The following ZNF22 variants were observed in gnomAD, a reference collection of about 807,000 sequenced individuals.
ZNF22 encodes krox-26 protein.
A neutral mutation model predicts 17.0 loss-of-function variants in ZNF22; 15 were observed. The ratio of observed to expected loss-of-function variants is 0.88; its 90% CI spans 0.59 to 1.36. ZNF22 has a LOEUF of 1.36. Among genes scored for constraint, ZNF22 ranks in the 40% most tolerant of loss-of-function variants. ZNF22 has a pLI of 0.00. For synonymous variants in ZNF22, 84 were observed against 90.7 expected (o/e 0.93, Z 0.42); for missense variants, 272 against 276.1 (o/e 0.98, Z 0.11).
chr10:45,003,880 A>C lies in ZNF22; in HGVS notation c.512A>C (p.Glu171Ala), dbSNP rs1233146369. 1 of 1,614,176 alleles carries C rather than the reference A, an allele frequency of 6.2e-7. No individual in the cohort carries two copies. Among genetic ancestry groups the C allele is most frequent in the Admixed American group, 1.7e-5 (1 of 60,022 alleles). Residue 171 changes from glutamate to alanine, a missense_variant, in exon 2 of 2, where the codon GAA becomes GCA. Coordinates refer to ENST00000298299, the MANE Select transcript of ZNF22 (RefSeq NM_006963.5). ...GGGGAGAAACCCTACCAGTGCAGTG[A>C]ATGTGGCAAATGTTTCAGTCAGAGC... The part of the protein sequence containing the change: ...HTGEKPYQCS[E>A]CGKCFSQSSH...
chr10:45,003,134 T>G, intron 1 of ZNF22, 146 bp from the exon 2 acceptor site: 2 of 376,348 alleles, frequency 5.3e-6, no homozygotes, highest in Non-Finnish European at 4.7e-6. Context: ...TTTCCCCCCA[T>G]ATTATCTTTG....
At position 45,003,266 on chromosome 10, in the gene ZNF22, C is replaced by T; in HGVS notation, c.-89-14C>T. On this transcript the variant is annotated splice_polypyrimidine_tract_variant and intron_variant, in intron 1 of 1. Transcript: ENST00000298299. ...TTCTGATCATCTCTAAATTTTTTTT[C>T]CTTCTACACACAGAAAATTCTGAGC... The T allele has an allele frequency of 8.0e-6, 9 of 1,130,344 alleles. No individual in the cohort carries two copies. The highest frequency in any genetic ancestry group is 3.2e-5 in the African/African-American group (2 of 63,410). 70.0% of individuals were successfully genotyped at this position (1,130,344 alleles called of 1,614,324 possible).
Position 45,000,974 on chromosome 10 carries a change from G to T in ZNF22, c.-94G>T. 3.7e-6 allele frequency: 3 copies of T among 807,012 alleles called. No individual in the cohort carries two copies. Among genetic ancestry groups the T allele is most frequent in the South Asian group, 2.5e-5 (1 of 40,242 alleles). The allele number at this position is 807,012 out of a possible 1,614,324, so 50.0% of individuals were successfully genotyped here. A position where few individuals can be genotyped will look rare whatever the true frequency, so the allele number is the denominator to read the frequency against. The stretch of plus-strand genomic sequence containing the variant: ...GCGAGCCAGAGTGGTGGCTGGTCCC[G>T]CGCGGTGAGTGGGATTGGGGCACTT... On this transcript the variant is annotated 5_prime_UTR_variant, in exon 1 of 2. Coordinates refer to ENST00000298299, the MANE Select transcript of ZNF22 (RefSeq NM_006963.5).
At position 45,003,469 on chromosome 10, in the gene ZNF22, G is replaced by A. The variant is rs940573770; in HGVS notation, c.101G>A (p.Gly34Asp). The A allele has an allele frequency of 5.6e-6, 9 of 1,614,248 alleles. No homozygotes were observed. Among genetic ancestry groups the A allele is most frequent in the Non-Finnish European group, 6.8e-6 (8 of 1,180,044 alleles). Residue 34 changes from glycine (G) to aspartate (D), a missense_variant, in exon 2 of 2, where the codon GGC (glycine) becomes GAC (aspartate). Physicochemically the swap from Gly to Asp is moderately conservative, Grantham distance 94 (BLOSUM62 -1). Coordinates refer to ENST00000298299, the MANE Select transcript of ZNF22 (RefSeq NM_006963.5). The stretch of plus-strand genomic sequence containing the variant: ...ACAGGCCGGCAGCGGCAGAAGTGGG[G>A]CATGACTATTCGATTTGACTCAAGC... ...RKTGRQRQKW[G>D]MTIRFDSSFS...
rs1842364278 is a variant in ZNF22, at chr10:45,005,187, T to TTA, written c.*1144_*1145insTA. 6.0e-6 allele frequency: 1 copy of TTA among 166,938 alleles called. No individual in the cohort carries two copies. Among genetic ancestry groups the TTA allele is most frequent in the Non-Finnish European group, 1.5e-5 (1 of 68,130 alleles). 10.3% of individuals were successfully genotyped at this position (166,938 alleles called of 1,614,324 possible). A position where few individuals can be genotyped will look rare whatever the true frequency, so the allele number is the denominator to read the frequency against. On this transcript the variant is annotated 3_prime_UTR_variant, in exon 2 of 2. Coordinates refer to ENST00000298299, the MANE Select transcript of ZNF22 (RefSeq NM_006963.5). ...AATGGTGCCAAGTGTCAGACTCTAATGAGCCCTCAGCTCAGGTTTTAATTT... is the reference window on the plus strand; with the variant it reads ...AATGGTGCCAAGTGTCAGACTCTAATTAGAGCCCTCAGCTCAGGTTTTAATTT...
In ZNF22 at chr10:45,003,372, A is replaced by G. The variant is rs1842348709; in HGVS notation, c.4A>G (p.Arg2Gly). The G allele has an allele frequency of 1.9e-6, 3 of 1,587,730 alleles. No individual in the cohort carries two copies. The African/African-American group carries it at 4.1e-5, about 22-fold the overall frequency. MRLAKPKAGISR... is the reference protein window; with the variant it reads MGLAKPKAGISR... ...CAAATACATTTGGTTATTCACCATG[A>G]GGTTAGCAAAGCCTAAAGCGGGTAT... Residue 2 changes from arginine (R) to glycine (G), a missense_variant, in exon 2 of 2, where the codon AGG becomes GGG. Coordinates refer to ENST00000298299, the MANE Select transcript of ZNF22 (RefSeq NM_006963.5).
Position 45,003,951 on chromosome 10 carries a change from C to T in ZNF22, c.583C>T (p.Arg195Cys), listed in dbSNP as rs1395938028. 3.1e-6 allele frequency: 5 copies of T among 1,614,082 alleles called. No homozygotes were observed. Among genetic ancestry groups the T allele is most frequent in the East Asian group, 2.2e-5 (1 of 44,880 alleles). The part of the protein sequence containing the change: ...HMKVHKEEKP[R>C]KTRGKNIRVK... ...GAAGGTGCATAAAGAAGAGAAGCCT[C>T]GTAAAACCCGGGGCAAAAATATCAG... Residue 195 changes from arginine (R) to cysteine (C), a missense_variant, in exon 2 of 2, where the codon CGT (arginine) becomes TGT (cysteine). Transcript: ENST00000298299.
At position 45,004,724 on chromosome 10, in the gene ZNF22, C is replaced by T. The variant is rs1842360728; in HGVS notation, c.*681C>T. On this transcript the variant is annotated 3_prime_UTR_variant, in exon 2 of 2. Transcript: ENST00000298299. ...TTTTTTAACCAAATTCTTAGAGATA[C>T]TATAGAATCCAAATGAGAACTGAAT... 2 of 167,004 alleles carry T rather than the reference C, an allele frequency of 1.2e-5. No individual in the cohort carries two copies. The highest frequency in any genetic ancestry group is 2.4e-5 in the African/African-American group (1 of 41,410). 10.3% of individuals were successfully genotyped at this position (167,004 alleles called of 1,614,324 possible).
At position 45,005,301 on chromosome 10, in the gene ZNF22, T is replaced by C. The variant is rs1842364932; in HGVS notation, c.*1258T>C. The C allele has an allele frequency of 6.2e-6, 1 of 160,350 alleles. No homozygotes were observed. The highest frequency in any genetic ancestry group is 2.4e-5 in the African/African-American group (1 of 41,462). The allele number at this position is 160,350 out of a possible 1,614,324, so 9.9% of individuals were successfully genotyped here. A position where few individuals can be genotyped will look rare whatever the true frequency, so the allele number is the denominator to read the frequency against. ...TATTAATGACAATTATTCATGAAAA[T>C]AAAAAATGAAATATTTTGTATACTA... On this transcript the variant is annotated 3_prime_UTR_variant, in exon 2 of 2. Transcript: ENST00000298299.
chr10:45,001,059 G>C, intron 1 of ZNF22, 81 bp downstream of exon 1: 1 of 182,726 alleles, frequency 5.5e-6, no homozygotes, highest in Non-Finnish European at 1.1e-5. Context: ...TGGCCGCAAC[G>C]AGGGCGGCGC....
At position 45,004,088 on chromosome 10, in the gene ZNF22, T is replaced by C; in HGVS notation, c.*45T>C. On this transcript the variant is annotated 3_prime_UTR_variant, in exon 2 of 2. Coordinates refer to ENST00000298299, the MANE Select transcript of ZNF22 (RefSeq NM_006963.5). ...CTTTTTGAGACCTCTTAAGAAAAAA[T>C]AAAAAGTAAAAAATGAAAGGAATCT... The C allele has an allele frequency of 2.0e-6, 3 of 1,517,428 alleles. No individual in the cohort carries two copies. The highest frequency in any genetic ancestry group is 2.6e-6 in the Non-Finnish European group (3 of 1,133,156). The allele number at this position is 1,517,428 out of a possible 1,614,324, so 94.0% of individuals were successfully genotyped here. A position where few individuals can be genotyped will look rare whatever the true frequency, so the allele number is the denominator to read the frequency against.
rs777658279 is a variant in ZNF22, at chr10:45,004,005, G to C, written c.637G>C (p.Ala213Pro). The C allele has an allele frequency of 6.2e-7, 1 of 1,613,878 alleles. No homozygotes were observed. Among genetic ancestry groups the C allele is most frequent in the Non-Finnish European group, 8.5e-7 (1 of 1,179,872 alleles). The change falls in exon 2 of 2, where the codon GCT becomes CCT. Residue 213 changes from alanine to proline, a missense_variant. By Grantham distance (27) the Ala-to-Pro change is conservative (BLOSUM62 -1). Transcript: ENST00000298299. ...RVKTHLPSWK[A>P]GTGRKSVAGL... The stretch of plus-strand genomic sequence containing the variant: ...GAAGACTCACTTACCCTCTTGGAAA[G>C]CTGGTACAGGAAGGAAGTCTGTGGC...
chr10:45,003,936 AAAGAAGAG>A lies in ZNF22; in HGVS notation c.572_579del (p.Glu191AlafsTer3), dbSNP rs1564475153. On this transcript the variant is annotated frameshift_variant, in exon 2 of 2. Transcript: ENST00000298299. LOFTEE classifies it high-confidence loss of function. The stretch of plus-strand genomic sequence containing the variant: ...TCTGAGGCAGCACATGAAGGTGCAT[AAAGAAGAG>A]AAGCCTCGTAAAACCCGGGGCAAAA... 8.1e-6 allele frequency: 13 copies of A among 1,614,188 alleles called. No homozygotes were observed. The highest frequency in any genetic ancestry group is 1.1e-5 in the Non-Finnish European group (13 of 1,180,034).
Position 45,004,991 on chromosome 10 carries a change from A to G in ZNF22, c.*948A>G, listed in dbSNP as rs1428592497. ...GCTTAATTAAAAACCTACAATTTAC[A>G]CACCTCCCTGCCTTCAAGACTGTGA... On this transcript the variant is annotated 3_prime_UTR_variant, in exon 2 of 2. Transcript: ENST00000298299. 1 of 167,050 alleles carries G rather than the reference A, an allele frequency of 6.0e-6. No individual in the cohort carries two copies. 10.3% of individuals were successfully genotyped at this position (167,050 alleles called of 1,614,324 possible).
intron 1 of ZNF22, chr10:45,002,192 T>C (rs981720677): frequency 1.3e-4 from 20 of 152,276 alleles, no homozygotes; most frequent in Non-Finnish European, 1.0e-4. Context: ...ATTGTTTCTA[T>C]TTTAAATTCC....
intron 1 of ZNF22, among the ~76,000 whole-genome samples, chr10:45,001,588 AAGAT>A (rs1169718152): frequency 6.6e-6 from 1 of 152,172 alleles, no homozygotes; most frequent in Non-Finnish European, 1.5e-5. Flanking sequence ...TGAGCAATGG[AAGAT>A]GTGGCTGCCA....
chr10:45,003,474 AC>A lies in ZNF22; in HGVS notation c.107del (p.Thr36IlefsTer147). ...TGRQRQKWGM[T>X]IRFDSSFSRL... is the part of the protein sequence containing the mutation. ...CCGGCAGCGGCAGAAGTGGGGCATG[AC>A]TATTCGATTTGACTCAAGCTTCAGT... is the stretch of plus-strand genomic sequence containing the variant. On this transcript the variant is annotated frameshift_variant, in exon 2 of 2. Transcript: ENST00000298299. LOFTEE classifies it high-confidence loss of function. The A allele has an allele frequency of 6.2e-7, 1 of 1,614,270 alleles. No individual in the cohort carries two copies. Among genetic ancestry groups the A allele is most frequent in the Non-Finnish European group, 8.5e-7 (1 of 1,180,054 alleles).
Position 45,003,619 on chromosome 10 carries a change from A to C in ZNF22, c.251A>C (p.Lys84Thr). The C allele has an allele frequency of 6.2e-7, 1 of 1,614,200 alleles. No individual in the cohort carries two copies. Among genetic ancestry groups the C allele is most frequent in the African/African-American group, 1.3e-5 (1 of 75,064 alleles). The change falls in exon 2 of 2, where the codon AAA (lysine) becomes ACA (threonine). Residue 84 changes from lysine (K) to threonine (T), a missense_variant. Physicochemically the swap from Lys to Thr is moderately conservative, Grantham distance 78 (BLOSUM62 -1). Coordinates refer to ENST00000298299, the MANE Select transcript of ZNF22 (RefSeq NM_006963.5). ...ATCCATACTGGAAAGAAATCCCATA[A>C]ATGTGCTGATTGTGGGAAAAGTTTC... Reference protein sequence around the residue: ...QKIHTGKKSHKCADCGKSFFQ... With the variant: ...QKIHTGKKSHTCADCGKSFFQ...
At chr10:45,002,904 C>G (rs1842345693) in intron 1 of ZNF22, 1 of 153,670 alleles carries the variant, frequency 6.5e-6, no homozygotes, top group Admixed American at 6.5e-5. Context: ...TGGAGTTACT[C>G]CATTCCCATT....
Sources: gnomAD v4.1 joint callset for allele counts (sites outside exome capture counted in the v4.1 genomes callset) on GRCh38, gnomAD v4.1.1 for gene constraint, MANE v1.5 for transcripts, NCBI Gene and HGNC (gene_info 2026-07-23, HGNC 2026-07-21) for gene names.